Variants in ORC3 observed in about 807,000 individuals in gnomAD.
The protein encoded by ORC3 is homolog of latheo, Drosophila.
In ORC3, 78 loss-of-function variants were observed where a neutral mutation model predicts 100.7. The observed-to-expected ratio is 0.77, with a 90% CI of 0.65 to 0.94. ORC3 has a LOEUF of 0.94. ORC3 is among the 40% of genes least tolerant of loss of function. The probability of loss-of-function intolerance (pLI) is 0.00; values close to 1 mark genes in which losing one functional copy is unlikely to be tolerated. For synonymous variants in ORC3, 295 were observed against 289.3 expected (o/e 1.02, Z -0.20); for missense variants, 789 against 823.9 (o/e 0.96, Z 0.52).
intron 9 of ORC3, among the ~76,000 whole-genome samples, chr6:87,616,817 T>C (rs1337219554): frequency 1.3e-5 from 2 of 152,026 alleles, no homozygotes; most frequent in Admixed American, 1.3e-4. Flanking sequence ...TTTTTTTTTT[T>C]CGAGATGGAG....
At chr6:87,630,357 C>T (rs1025248942) in intron 11 of ORC3, among the ~76,000 whole-genome samples, 1 of 152,170 alleles carries the variant, frequency 6.6e-6, no homozygotes, top group African/African-American at 2.4e-5. Flanking sequence ...GCTGAGATTG[C>T]ACCACTGCAT....
At chr6:87,650,772 C>T (rs1583146657) in intron 13 of ORC3, among the ~76,000 whole-genome samples, 1 of 152,304 alleles carries the variant, frequency 6.6e-6, no homozygotes, top group East Asian at 1.9e-4. Flanking sequence ...CTTTGGGAAG[C>T]CGAGGTGGGC....
Position 87,636,486 on chromosome 6 carries a change from G to C in ORC3, c.1382G>C (p.Arg461Thr), listed in dbSNP as rs1367901108. 1.0e-5 allele frequency: 16 copies of C among 1,606,428 alleles called. No homozygotes were observed. The highest frequency in any genetic ancestry group is 1.4e-5 in the Non-Finnish European group (16 of 1,173,200). ...EEYASVLQLL[R>T]MLAKDELMTI... ...TATGCATCAGTCTTGCAGCTGCTGAGGTAGTTTTGTTTTTTCTTGTTTTTC... is the reference window on the plus strand; with the variant it reads ...TATGCATCAGTCTTGCAGCTGCTGACGTAGTTTTGTTTTTTCTTGTTTTTC... The change falls in exon 13 of 20, where the codon AGG becomes ACG. Residue 461 changes from arginine (R) to threonine (T), a missense_variant and splice_region_variant. By Grantham distance (71) the Arg-to-Thr change is moderately conservative. Transcript: ENST00000392844.
At chr6:87,666,099 A>G (rs943850472) in intron 19 of ORC3, among the ~76,000 whole-genome samples, 1 of 152,162 alleles carries the variant, frequency 6.6e-6, no homozygotes, top group Admixed American at 6.6e-5. Context: ...AACTGCCATT[A>G]TTGAATTCTC....
chr6:87,596,806 T>A (rs910655598), intron 2 of ORC3, among the ~76,000 whole-genome samples: 3 of 152,216 alleles, frequency 2.0e-5, no homozygotes, highest in Non-Finnish European at 2.9e-5. Flanking sequence ...CGGTTCTCAA[T>A]CATAGCTTCA....
rs535508560 is a variant in ORC3 at position 87,647,062 on chromosome 6, C to T, written c.1383-6054C>T. Reference sequence around the variant, plus strand: ...TAGTCTAAGTCATCGTCGTTGCTCACCTGTATTATTGCAGTAGCCTCCTTT... The same window carrying T: ...TAGTCTAAGTCATCGTCGTTGCTCATCTGTATTATTGCAGTAGCCTCCTTT... On this transcript the variant is annotated intron_variant, in intron 13 of 19. Coordinates refer to ENST00000392844, the MANE Select transcript of ORC3 (RefSeq NM_012381.4). Among the ~76,000 whole-genome samples the T allele has an allele frequency of 1.2e-4, 18 of 152,330 alleles. No homozygotes were observed. The South Asian group carries it at 3.5e-3, about 30-fold the overall frequency.
At chr6:87,654,799 T>A (rs2128290964) in intron 14 of ORC3, among the ~76,000 whole-genome samples, 1 of 152,302 alleles carries the variant, frequency 6.6e-6, no homozygotes, top group South Asian at 2.1e-4. Context: ...TTTCTTCTTT[T>A]TTTGCTGGGC....
the ORC3 span, among the ~76,000 whole-genome samples, chr6:87,676,755 G>C: frequency 6.7e-6 from 1 of 149,694 alleles, no homozygotes; most frequent in Non-Finnish European, 1.5e-5. Flanking sequence ...ACTCCGGCCT[G>C]GGCGACAGAG....
At chr6:87,634,024 T>G (rs2128277356) in intron 11 of ORC3, among the ~76,000 whole-genome samples, 1 of 152,202 alleles carries the variant, frequency 6.6e-6, no homozygotes, top group South Asian at 2.1e-4. Context: ...GTTTTTTATT[T>G]TTATACAAAT....
intron 2 of ORC3, among the ~76,000 whole-genome samples, chr6:87,598,672 T>TTTG (rs1554234843): frequency 6.6e-6 from 1 of 151,866 alleles, no homozygotes; most frequent in Non-Finnish European, 1.5e-5. Flanking sequence ...TTTTTTTTTT[T>TTTG]CATTATGTGG....
intron 16 of ORC3, among the ~76,000 whole-genome samples, chr6:87,662,002 G>A (rs1237966835): frequency 6.6e-6 from 1 of 151,914 alleles, no homozygotes; most frequent in African/African-American, 2.4e-5. Context: ...CTAGCTCATA[G>A]GTGAAAAAAA....
rs551212907 is a variant in ORC3 at position 87,623,480 on chromosome 6, A to G, written c.1185+1467A>G. Among the ~76,000 whole-genome samples, 6 of 152,400 alleles carry G rather than the reference A, an allele frequency of 3.9e-5. No homozygotes were observed. The South Asian group carries it at 1.2e-3, about 32-fold the overall frequency. ...CTAGTTGCCAAGTCCATTTCCTGCTAGAACTTTCTGTCAGAGTTATTTCAG... is the reference window on the plus strand; with the variant it reads ...CTAGTTGCCAAGTCCATTTCCTGCTGGAACTTTCTGTCAGAGTTATTTCAG... On this transcript the variant is annotated intron_variant, in intron 11 of 19. Coordinates refer to ENST00000392844, the MANE Select transcript of ORC3 (RefSeq NM_012381.4).
chr6:87,603,612 G>A, intron 4 of ORC3, 84 bp downstream of exon 4: 1 of 765,140 alleles, frequency 1.3e-6, no homozygotes, highest in Non-Finnish European at 2.0e-6. Context: ...ATAGTGGAAG[G>A]ACCTGTTTTG....
chr6:87,658,224 A>G (rs1174472277), intron 16 of ORC3, among the ~76,000 whole-genome samples: 1 of 152,104 alleles, frequency 6.6e-6, no homozygotes, highest in East Asian at 1.9e-4. Context: ...TTGGGAGGCC[A>G]AGGCTGGTGG....
intron 6 of ORC3, among the ~76,000 whole-genome samples, 183 bp from the exon 7 acceptor site, chr6:87,608,913 A>T (rs1778538942): frequency 6.6e-6 from 1 of 152,108 alleles, no homozygotes; most frequent in Admixed American, 6.6e-5. Context: ...CTTCTTGGTT[A>T]TTATTCCCAT....
intron 18 of ORC3, 98 bp from the exon 19 acceptor site, chr6:87,665,656 A>C: frequency 1.5e-6 from 1 of 687,592 alleles, no homozygotes; most frequent in Non-Finnish European, 2.6e-6. Context: ...ATAATGAAGA[A>C]TATGTGCCAG....
chr6:87,670,170 C>T (rs1770803365), downstream of ORC3, among the ~76,000 whole-genome samples: 2 of 152,116 alleles, frequency 1.3e-5, no homozygotes, highest in African/African-American at 2.4e-5. Flanking sequence ...AGGATGGCAA[C>T]TGCCCTATTT....
intron 13 of ORC3, among the ~76,000 whole-genome samples, chr6:87,637,945 C>G (rs765516771): frequency 6.6e-6 from 1 of 152,080 alleles, no homozygotes; most frequent in African/African-American, 2.4e-5. Context: ...CACACTTTAC[C>G]CCCTGAGGAA....
rs774015220 is a variant in ORC3 at position 87,653,189 on chromosome 6, C to T, written c.1456C>T (p.His486Tyr). 1.2e-6 allele frequency: 2 copies of T among 1,613,804 alleles called. No homozygotes were observed. Among genetic ancestry groups the T allele is most frequent in the African/African-American group, 1.3e-5 (1 of 75,002 alleles). ...GGTTTTTAAGTCTTATTGTGAAAACCACCTTGGCAGCACAGCTAAGAGAAT... is the reference window on the plus strand; with the variant it reads ...GGTTTTTAAGTCTTATTGTGAAAACTACCTTGGCAGCACAGCTAAGAGAAT... ...FKVFKSYCEN[H>Y]LGSTAKRIEE... The change falls in exon 14 of 20, where the codon CAC (histidine) becomes TAC (tyrosine). Residue 486 changes from histidine to tyrosine, a missense_variant. Around this residue, in one of 3 missense-constraint regions of ORC3, gnomAD observed 366 missense variants for 394.2 expected, o/e 0.93. Transcript: ENST00000392844.
Sources: gnomAD v4.1 joint callset for allele counts (sites outside exome capture counted in the v4.1 genomes callset) on GRCh38, gnomAD v4.1.1 for gene constraint, gnomAD v4.1.1 regional missense constraint, MANE v1.5 for transcripts, NCBI Gene and HGNC (gene_info 2026-07-23, HGNC 2026-07-21) for gene names.